POLR2K: variants seen among roughly 807,000 people sequenced by gnomAD.
POLR2K encodes DNA-directed RNA polymerases I, II, and III subunit RPABC4.
In POLR2K, 9 loss-of-function variants were observed where a neutral mutation model predicts 10.1. The ratio of observed to expected loss-of-function variants is 0.89; its 90% CI spans 0.54 to 1.56. The LOEUF (loss-of-function observed/expected upper bound fraction) is 1.56, where lower values mean the gene tolerates loss of function less well. Ranked by LOEUF, POLR2K falls within the 40% of genes most tolerant of loss-of-function variation. POLR2K has a pLI of 0.00. For missense variants in POLR2K, 53 were observed against 71.9 expected (o/e 0.74, Z 0.95); for synonymous variants, 19 against 20.3 (o/e 0.94, Z 0.17).
chr8:100,151,042 GAT>G (rs1438703254), intron 1 of POLR2K, among the ~76,000 whole-genome samples: 1 of 152,198 alleles, frequency 6.6e-6, no homozygotes, highest in Non-Finnish European at 1.5e-5. Flanking sequence ...GTAGCTGAGT[GAT>G]CCTGCGGAAA....
chr8:100,152,607 A>T (rs1814934357), intron 3 of POLR2K, among the ~76,000 whole-genome samples: 1 of 152,172 alleles, frequency 6.6e-6, no homozygotes, highest in Admixed American at 6.5e-5. Flanking sequence ...TAATCCCAGC[A>T]CTTTGGGAGG....
intron 1 of POLR2K, 38 bp from the exon 2 acceptor site, chr8:100,151,309 C>T (rs188832344): frequency 7.5e-7 from 1 of 1,331,452 alleles, no homozygotes; most frequent in Non-Finnish European, 1.1e-6. Context: ...TGTGAGAAGC[C>T]CTTTTGAGAT....
At position 100,153,385 on chromosome 8, in the gene POLR2K, T is replaced by A; in HGVS notation, c.*69T>A. ...GCTCTCTTCCCATTTCTGATTGTTG[T>A]ATAGCTTTCGATTTTGCTTACAGTA... On this transcript the variant is annotated 3_prime_UTR_variant, in exon 4 of 4. Transcript: ENST00000353107. 1 of 1,415,512 alleles carries A rather than the reference T, an allele frequency of 7.1e-7. No homozygotes were observed. The highest frequency in any genetic ancestry group is 1.0e-6 in the Non-Finnish European group (1 of 1,004,452). The allele number at this position is 1,415,512 out of a possible 1,614,324, so 87.7% of individuals were successfully genotyped here. A position where few individuals can be genotyped will look rare whatever the true frequency, so the allele number is the denominator to read the frequency against.
intron 3 of POLR2K, 56 bp from the exon 4 acceptor site, chr8:100,153,238 C>T: frequency 1.5e-6 from 2 of 1,322,780 alleles, no homozygotes; most frequent in Non-Finnish European, 2.1e-6. Context: ...ACTTTGAAAC[C>T]TTCAGTCTTA....
intron 1 of POLR2K, 42 bp downstream of exon 1, chr8:100,150,751 G>C (rs1048231944): frequency 3.9e-5 from 6 of 152,836 alleles, no homozygotes; most frequent in African/African-American, 1.4e-4. Flanking sequence ...GGATATTTGG[G>C]CCAAAACTGG....
At chr8:100,151,129 A>G (rs1814911672) in intron 1 of POLR2K, among the ~76,000 whole-genome samples, 1 of 152,188 alleles carries the variant, frequency 6.6e-6, no homozygotes, top group African/African-American at 2.4e-5. Context: ...TGAAGATTAT[A>G]ATGGCCTAAC....
intron 1 of POLR2K, 135 bp from the exon 2 acceptor site, chr8:100,151,212 G>T: frequency 1.4e-6 from 1 of 703,840 alleles, no homozygotes; most frequent in Non-Finnish European, 2.6e-6. Flanking sequence ...TCGTCCTTGA[G>T]ACCTAACCCA....
Position 100,153,320 on chromosome 8 carries a change from C to T in POLR2K, c.*4C>T. 6.2e-7 allele frequency: 1 copy of T among 1,607,624 alleles called. No homozygotes were observed. The highest frequency in any genetic ancestry group is 8.5e-7 in the Non-Finnish European group (1 of 1,175,372). On this transcript the variant is annotated 3_prime_UTR_variant, in exon 4 of 4. Transcript: ENST00000353107. ...GGTCGTTTTTGATGCTCGATGAATG[C>T]TGGGAATTCAGAGGAATGTCTTCAC...
At chr8:100,151,632 C>T in intron 2 of POLR2K, 192 bp from the exon 3 acceptor site, 1 of 598,126 alleles carries the variant, frequency 1.7e-6, no homozygotes, top group East Asian at 2.8e-5. Context: ...AGATTTCATT[C>T]TCTCTCCTGG....
In POLR2K at chr8:100,151,426, G is replaced by A. The variant is rs746222769; in HGVS notation, c.61+10G>A. 1 of 1,511,190 alleles carries A rather than the reference G, an allele frequency of 6.6e-7. No individual in the cohort carries two copies. Among genetic ancestry groups the A allele is most frequent in the Non-Finnish European group, 9.2e-7 (1 of 1,086,048 alleles). 93.6% of individuals were successfully genotyped at this position (1,511,190 alleles called of 1,614,324 possible). The stretch of plus-strand genomic sequence containing the variant: ...ATATATATCTGTGGAGGTAAGAGTA[G>A]CACTTACCTAAAGTAAGAATATTTT... On this transcript the variant is annotated intron_variant, in intron 2 of 3. Transcript: ENST00000353107.
At chr8:100,152,115 AT>A (rs1462059625) in intron 3 of POLR2K, 199 bp downstream of exon 3, 1 of 589,120 alleles carries the variant, frequency 1.7e-6, no homozygotes, top group East Asian at 3.1e-5. Context: ...GTTCTCATAA[AT>A]TTATTTTTTA....
At chr8:100,151,278 A>G in intron 1 of POLR2K, 69 bp from the exon 2 acceptor site, 1 of 1,010,418 alleles carries the variant, frequency 9.9e-7, no homozygotes, top group Non-Finnish European at 1.6e-6. Context: ...TTTTCCTGAG[A>G]AAAATGGGCC....
At chr8:100,152,193 A>C in intron 3 of POLR2K, 1 of 550,358 alleles carries the variant, frequency 1.8e-6, no homozygotes, top group South Asian at 2.3e-5. Flanking sequence ...AAGCAATTTC[A>C]TCATTCCTAC....
At chr8:100,151,734 G>T in intron 2 of POLR2K, 90 bp from the exon 3 acceptor site, 3 of 650,964 alleles carry the variant, frequency 4.6e-6, no homozygotes, top group Middle Eastern at 4.3e-4. Flanking sequence ...TTAGTGTTTT[G>T]GATTGCCTTA....
At chr8:100,152,633 A>G (rs1466136575) in intron 3 of POLR2K, among the ~76,000 whole-genome samples, 1 of 152,222 alleles carries the variant, frequency 6.6e-6, no homozygotes, top group Admixed American at 6.5e-5. Flanking sequence ...GGAGTTCAAG[A>G]CCAGCCTGGG....
chr8:100,151,427 CACTT>C lies in POLR2K; in HGVS notation c.61+14_61+17del, dbSNP rs1472480960. ...TATATATCTGTGGAGGTAAGAGTAGCACTTACCTAAAGTAAGAATATTTTATTTA... is the reference window on the plus strand; with the variant it reads ...TATATATCTGTGGAGGTAAGAGTAGCACCTAAAGTAAGAATATTTTATTTA... On this transcript the variant is annotated intron_variant, in intron 2 of 3. Transcript: ENST00000353107. 6.6e-7 allele frequency: 1 copy of C among 1,522,686 alleles called. No individual in the cohort carries two copies. Among genetic ancestry groups the C allele is most frequent in the Non-Finnish European group, 9.1e-7 (1 of 1,096,752 alleles). 94.3% of individuals were successfully genotyped at this position (1,522,686 alleles called of 1,614,324 possible). A position where few individuals can be genotyped will look rare whatever the true frequency, so the allele number is the denominator to read the frequency against.
chr8:100,150,943 G>T (rs1339668268), intron 1 of POLR2K, among the ~76,000 whole-genome samples: 4 of 151,994 alleles, frequency 2.6e-5, no homozygotes, highest in African/African-American at 7.2e-5. Flanking sequence ...ATTTTTTTTG[G>T]CTAACTTCTG....
At position 100,153,240 on chromosome 8, in the gene POLR2K, T is replaced by C; in HGVS notation, c.155-54T>C. On this transcript the variant is annotated intron_variant, in intron 3 of 3. Coordinates refer to ENST00000353107, the MANE Select transcript of POLR2K (RefSeq NM_005034.4). ...CAAAGAGAAAGTGACTTTGAAACCTTCAGTCTTAATAATGTTTAAGTACCG... is the reference window on the plus strand; with the variant it reads ...CAAAGAGAAAGTGACTTTGAAACCTCCAGTCTTAATAATGTTTAAGTACCG... The C allele has an allele frequency of 3.7e-6, 5 of 1,351,708 alleles. No individual in the cohort carries two copies. In the South Asian group the frequency reaches 6.2e-5, roughly 17 times the overall value. The allele number at this position is 1,351,708 out of a possible 1,614,324, so 83.7% of individuals were successfully genotyped here. A position where few individuals can be genotyped will look rare whatever the true frequency, so the allele number is the denominator to read the frequency against.
At position 100,151,906 on chromosome 8, in the gene POLR2K, G is replaced by A; in HGVS notation, c.144G>A (p.Arg48=). 2 of 1,409,112 alleles carry A rather than the reference G, an allele frequency of 1.4e-6. No homozygotes were observed. The highest frequency in any genetic ancestry group is 2.0e-6 in the Non-Finnish European group (2 of 995,096). The allele number at this position is 1,409,112 out of a possible 1,614,324, so 87.3% of individuals were successfully genotyped here. The change falls in exon 3 of 4, where the codon AGG becomes AGA. Residue 48 remains arginine (R), a synonymous_variant. Transcript: ENST00000353107. Reference sequence around the variant, plus strand: ...GATACAGAATAATGTACAAGAAAAGGACTAAAAGATGTATCCTTTTAACGA... The same window carrying A: ...GATACAGAATAATGTACAAGAAAAGAACTAAAAGATGTATCCTTTTAACGA... ...ECGYRIMYKK[R]TKRLVVFDAR
Sources: allele counts gnomAD v4.1 joint callset (sites outside exome capture counted in the v4.1 genomes callset), GRCh38; gene constraint gnomAD v4.1.1; transcripts MANE v1.5; gene names NCBI Gene and HGNC (gene_info 2026-07-23, HGNC 2026-07-21).